The following NPR3 variants were observed in gnomAD, a reference collection of about 807,000 sequenced individuals.
NPR3 encodes atrial natriuretic peptide receptor 3.
A neutral mutation model predicts 54.5 loss-of-function variants in NPR3; 34 were observed. That is an observed-to-expected ratio of 0.62 (90% CI 0.47 to 0.83). The LOEUF (loss-of-function observed/expected upper bound fraction) is 0.83, where lower values mean the gene tolerates loss of function less well. Ranked by LOEUF, NPR3 falls within the 40% of genes least tolerant of loss-of-function variation. The probability of loss-of-function intolerance (pLI) is 0.00; values close to 1 mark genes in which losing one functional copy is unlikely to be tolerated. For synonymous variants in NPR3, 289 were observed against 297.1 expected, an observed-to-expected ratio of 0.97 and a Z score of 0.28; for missense variants, 674 against 720.8, an observed-to-expected ratio of 0.94 and a Z score of 0.74.
intron 3 of NPR3, among the ~76,000 whole-genome samples, chr5:32,768,900 GCA>G (rs1214609301): frequency 2.0e-5 from 3 of 152,204 alleles, no homozygotes; most frequent in African/African-American, 7.2e-5. Context: ...CTTCCACTAT[GCA>G]CAGAGTTGTA....
chr5:32,782,820 G>T (rs1419800571), intron 5 of NPR3, 73 bp from the exon 6 acceptor site: 1 of 1,411,380 alleles, frequency 7.1e-7, no homozygotes, highest in Non-Finnish European at 9.6e-7. Context: ...TTGGGGAATA[G>T]CTGTGGAAGG....
At chr5:32,720,518 A>G (rs770293323) in intron 1 of NPR3, among the ~76,000 whole-genome samples, 2 of 152,348 alleles carry the variant, frequency 1.3e-5, no homozygotes, top group East Asian at 3.9e-4. Flanking sequence ...GAAGCCATTT[A>G]CAGAAGTCAC....
intron 3 of NPR3, among the ~76,000 whole-genome samples, chr5:32,751,566 G>A (rs1158164265): frequency 6.6e-6 from 1 of 152,142 alleles, no homozygotes; most frequent in African/African-American, 2.4e-5. Context: ...GCTCGTTTGA[G>A]GTTAGCAGGC....
At chr5:32,749,986 A>AT (rs1740492183) in intron 3 of NPR3, among the ~76,000 whole-genome samples, 1 of 152,208 alleles carries the variant, frequency 6.6e-6, no homozygotes, top group Non-Finnish European at 1.5e-5. Context: ...GTGCCACTGC[A>AT]TCCCCCACCT....
intron 1 of NPR3, among the ~76,000 whole-genome samples, chr5:32,714,812 A>G (rs896560735): frequency 1.3e-5 from 2 of 152,152 alleles, no homozygotes; most frequent in Admixed American, 6.5e-5. Flanking sequence ...TACCGTAAGC[A>G]CTTAATGTAT....
At chr5:32,710,613 A>T, upstream of NPR3, 1 of 1,423,028 alleles carries the variant, frequency 7.0e-7, no homozygotes, top group Non-Finnish European at 9.2e-7. Context: ...GGGGCTGAGG[A>T]AGGCGGGGTG....
At chr5:32,749,729 A>G (rs1297492812) in intron 3 of NPR3, among the ~76,000 whole-genome samples, 2 of 152,156 alleles carry the variant, frequency 1.3e-5, no homozygotes, top group Non-Finnish European at 2.9e-5. Flanking sequence ...ACTTAAACCC[A>G]ATTTTCAGTT....
chr5:32,701,691 T>A (rs991892092), intron 1 of NPR3, among the ~76,000 whole-genome samples: 1 of 152,172 alleles, frequency 6.6e-6, no homozygotes, highest in Non-Finnish European at 1.5e-5. Flanking sequence ...ACTTGGGTAT[T>A]GTAATCTAAG....
intron 2 of NPR3, 22 bp from the exon 3 acceptor site, chr5:32,738,842 A>T (rs1739888755): frequency 2.5e-6 from 4 of 1,606,416 alleles, no homozygotes; most frequent in Non-Finnish European, 3.4e-6. Context: ...TGGAATTATA[A>T]ATATTTTTAT....
intron 3 of NPR3, among the ~76,000 whole-genome samples, chr5:32,753,585 C>G (rs573134141): frequency 1.3e-5 from 2 of 151,114 alleles, no homozygotes; most frequent in African/African-American, 4.9e-5. Flanking sequence ...CCTTTCTCAC[C>G]CCTTCCAATG....
intron 1 of NPR3, among the ~76,000 whole-genome samples, chr5:32,721,782 T>C (rs1738878166): frequency 6.6e-6 from 1 of 152,228 alleles, no homozygotes; most frequent in Non-Finnish European, 1.5e-5. Flanking sequence ...CTGCATAATT[T>C]GTAAAGAAAA....
intron 3 of NPR3, among the ~76,000 whole-genome samples, chr5:32,741,173 C>A (rs1740021457): frequency 6.6e-6 from 1 of 152,010 alleles, no homozygotes; most frequent in African/African-American, 2.4e-5. Flanking sequence ...AATCCCAGCA[C>A]TTTGGGAGCC....
intron 6 of NPR3, among the ~76,000 whole-genome samples, chr5:32,784,261 T>A (rs1282920800): frequency 6.6e-6 from 1 of 152,206 alleles, no homozygotes; most frequent in Non-Finnish European, 1.5e-5. Flanking sequence ...TGATCCTGGC[T>A]CGTTGCAACC....
At chr5:32,743,153 G>T (rs566053103) in intron 3 of NPR3, among the ~76,000 whole-genome samples, 89 of 152,200 alleles carry the variant, frequency 5.8e-4, no homozygotes, top group African/African-American at 2.1e-3. Flanking sequence ...TGGTAAAATT[G>T]ATCTCTTCTC....
At chr5:32,754,126 C>A (rs1740712000) in intron 3 of NPR3, among the ~76,000 whole-genome samples, 1 of 152,124 alleles carries the variant, frequency 6.6e-6, no homozygotes, top group African/African-American at 2.4e-5. Context: ...AGTCTTAGAG[C>A]AGAGTTCTGG....
chr5:32,693,420 G>T (rs548482613), intron 1 of NPR3, among the ~76,000 whole-genome samples: 2 of 152,080 alleles, frequency 1.3e-5, no homozygotes, highest in South Asian at 4.2e-4. Flanking sequence ...CTTCAGGGAG[G>T]GAATGCAGGA....
chr5:32,751,559 C>T (rs960558315), intron 3 of NPR3, among the ~76,000 whole-genome samples: 6 of 152,224 alleles, frequency 3.9e-5, no homozygotes, highest in African/African-American at 1.4e-4. Context: ...GATATTTGCT[C>T]GTTTGAGGTT....
chr5:32,693,373 A>G (rs1303258423), intron 1 of NPR3, among the ~76,000 whole-genome samples: 1 of 152,058 alleles, frequency 6.6e-6, no homozygotes, highest in Non-Finnish European at 1.5e-5. Flanking sequence ...TGGATTTATC[A>G]TTGGTAAAAT....
chr5:32,710,629 G>T, upstream of NPR3: 1 of 1,455,560 alleles, frequency 6.9e-7, no homozygotes, highest in South Asian at 1.5e-5. Flanking sequence ...GGGTGTAGGT[G>T]ACGCCCGGGC....
Sources: gnomAD v4.1 joint callset for allele counts (sites outside exome capture counted in the v4.1 genomes callset) on GRCh38, gnomAD v4.1.1 for gene constraint, MANE v1.5 for transcripts, NCBI Gene and HGNC (gene_info 2026-07-23, HGNC 2026-07-21) for gene names.